Variants in SYBU observed in about 807,000 individuals in gnomAD.
The protein encoded by SYBU is GOLSYN A protein.
SYBU carries 21 observed loss-of-function variants against 35.9 expected under a neutral mutation model. The ratio of observed to expected loss-of-function variants is 0.58; its 90% CI spans 0.41 to 0.84. SYBU has a LOEUF of 0.84. Among genes scored for constraint, SYBU ranks in the 40% least tolerant of loss-of-function variants. The pLI, the probability that SYBU is intolerant of heterozygous loss-of-function variation, is 0.00. For missense variants in SYBU, 768 were observed against 848.2 expected, an observed-to-expected ratio of 0.91 and a Z score of 1.17; for synonymous variants, 319 against 324.3, an observed-to-expected ratio of 0.98 and a Z score of 0.18.
At chr8:109,681,879 G>A (rs772321973), upstream of SYBU, among the ~76,000 whole-genome samples, 11 of 152,132 alleles carry the variant, frequency 7.2e-5, no homozygotes, top group Admixed American at 2.0e-4. Context: ...CCTCCATGCT[G>A]TTCTTGTGAT....
At chr8:109,582,611 G>A (rs775596408) in intron 4 of SYBU, among the ~76,000 whole-genome samples, 17 of 152,082 alleles carry the variant, frequency 1.1e-4, no homozygotes, top group Non-Finnish European at 2.2e-4. Flanking sequence ...GGTGAATTTC[G>A]ATTCCCTGAC....
chr8:109,643,496 G>C (rs2130652832), intron 1 of SYBU: 1 of 153,370 alleles, frequency 6.5e-6, no homozygotes, highest in East Asian at 1.9e-4. Context: ...TTAATATCCT[G>C]GTACACAAGG....
chr8:109,645,646 TCCGTTGCTG>T (rs1815614663), upstream of SYBU: 1 of 286,546 alleles, frequency 3.5e-6, no homozygotes, highest in African/African-American at 2.3e-5. Flanking sequence ...TTTTTTTTTT[TCCGTTGCTG>T]TTGAAACGGC....
chr8:109,599,669 C>T (rs147005247), intron 3 of SYBU, among the ~76,000 whole-genome samples: 1 of 152,362 alleles, frequency 6.6e-6, no homozygotes, highest in Non-Finnish European at 1.5e-5. Context: ...CAGCATCACA[C>T]TGTGCCCAGC....
intron 3 of SYBU, among the ~76,000 whole-genome samples, chr8:109,592,791 T>C (rs1824431207): frequency 6.6e-6 from 1 of 152,232 alleles, no homozygotes; most frequent in Admixed American, 6.5e-5. Context: ...TTTTAACTTA[T>C]CTAAGCCTTA....
intron 1 of SYBU, among the ~76,000 whole-genome samples, chr8:109,650,614 C>T (rs1020125389): frequency 6.6e-6 from 1 of 152,144 alleles, no homozygotes; most frequent in African/African-American, 2.4e-5. Flanking sequence ...GTCCTTTATA[C>T]CTGAAATCTT....
At chr8:109,619,230 C>CT (rs142578497) in intron 2 of SYBU, among the ~76,000 whole-genome samples, 191 bp from the exon 3 acceptor site, 18,527 of 145,062 alleles carry the variant, frequency 0.13, 1,406 homozygotes, top group South Asian at 0.23. Flanking sequence ...AATGCAAAAC[C>CT]TTTTTTTTTT....
chr8:109,595,286 T>C (rs972310944), intron 3 of SYBU, among the ~76,000 whole-genome samples: 6 of 152,190 alleles, frequency 3.9e-5, no homozygotes, highest in Admixed American at 2.6e-4. Flanking sequence ...CAGAGGATGG[T>C]AAAAATTCTT....
intron 1 of SYBU, among the ~76,000 whole-genome samples, chr8:109,677,114 C>T (rs1336699407): frequency 2.0e-5 from 3 of 151,556 alleles, no homozygotes; most frequent in Admixed American, 6.6e-5. Context: ...TGGATAGAGG[C>T]GAGTGTTATG....
chr8:109,602,653 G>C (rs554479593), intron 3 of SYBU, among the ~76,000 whole-genome samples: 1 of 151,952 alleles, frequency 6.6e-6, no homozygotes, highest in African/African-American at 2.4e-5. Flanking sequence ...GGCTGGTCTC[G>C]AACTCCTGAC....
At chr8:109,644,180 G>A (rs1468684503) in intron 1 of SYBU, 1 of 461,566 alleles carries the variant, frequency 2.2e-6, no homozygotes, top group East Asian at 6.8e-5. Flanking sequence ...GCCGCCAGCC[G>A]CACGCAGCCT....
intron 1 of SYBU, chr8:109,643,280 A>G: frequency 1.4e-6 from 1 of 696,940 alleles, no homozygotes; most frequent in Non-Finnish European, 1.8e-6. Context: ...CTGCCTCCCA[A>G]AGGCTCTTTA....
intron 1 of SYBU, among the ~76,000 whole-genome samples, chr8:109,668,503 A>C (rs1221534498): frequency 6.6e-6 from 1 of 152,148 alleles, no homozygotes. Context: ...TAAAACCTAA[A>C]CCAACACGTA....
At chr8:109,686,018 A>G (rs1817511399) in intron 1 of SYBU, among the ~76,000 whole-genome samples, 1 of 152,236 alleles carries the variant, frequency 6.6e-6, no homozygotes, top group Admixed American at 6.5e-5. Context: ...CTACAAGCAC[A>G]TCACTCAAAT....
At chr8:109,597,449 G>A (rs984329176) in intron 3 of SYBU, among the ~76,000 whole-genome samples, 16 of 152,112 alleles carry the variant, frequency 1.1e-4, no homozygotes, top group Non-Finnish European at 7.4e-5. Context: ...TGGGTGCAGT[G>A]GCTCCCGTCT....
intron 3 of SYBU, among the ~76,000 whole-genome samples, chr8:109,612,902 C>G (rs1341365253): frequency 6.6e-6 from 1 of 150,706 alleles, no homozygotes; most frequent in African/African-American, 2.5e-5. Flanking sequence ...ATTGCTTGAA[C>G]CTGGGAGGCG....
At chr8:109,608,228 G>A (rs2130185295) in intron 3 of SYBU, among the ~76,000 whole-genome samples, 1 of 152,268 alleles carries the variant, frequency 6.6e-6, no homozygotes, top group East Asian at 1.9e-4. Context: ...AGGATTTGAA[G>A]AAATACCAAA....
Position 109,575,876 on chromosome 8 carries a change from A to T in SYBU, c.1022T>A (p.Ile341Asn). 6.2e-7 allele frequency: 1 copy of T among 1,613,928 alleles called. No individual in the cohort carries two copies. The highest frequency in any genetic ancestry group is 8.5e-7 in the Non-Finnish European group (1 of 1,179,988). Reference protein sequence around the residue: ...RKEIKQLKQVIETMRSSLADK... With the variant: ...RKEIKQLKQVNETMRSSLADK... ...AGCCAAGCTGCTCCGCATGGTTTCG[A>T]TGACCTGTTTGAGCTGTTTAATCTC... Residue 341 changes from isoleucine to asparagine, a missense_variant, in exon 7 of 7, where the codon ATC (isoleucine) becomes AAC (asparagine). Transcript: ENST00000276646.
intron 3 of SYBU, among the ~76,000 whole-genome samples, chr8:109,600,148 G>T (rs1342889656): frequency 6.6e-6 from 1 of 152,146 alleles, no homozygotes; most frequent in African/African-American, 2.4e-5. Flanking sequence ...CTCCTTGAGG[G>T]CGTGTTCTTT....
Sources: allele counts gnomAD v4.1 joint callset (sites outside exome capture counted in the v4.1 genomes callset), GRCh38; gene constraint gnomAD v4.1.1; transcripts MANE v1.5; gene names NCBI Gene and HGNC (gene_info 2026-07-23, HGNC 2026-07-21).